Variants in SLC25A29 observed in about 807,000 individuals in gnomAD.
SLC25A29 encodes solute carrier family 25 member 29.
A neutral mutation model predicts 10.0 loss-of-function variants in SLC25A29; 13 were observed. That is an observed-to-expected ratio of 1.30 (90% CI 0.85 to 2.07). The LOEUF is 2.07. Among genes scored for constraint, SLC25A29 ranks in the 30% most tolerant of loss-of-function variants. SLC25A29 has a pLI of 0.00. For missense variants in SLC25A29, 475 were observed against 447.6 expected (o/e 1.06, Z -0.55); for synonymous variants, 244 against 221.1 (o/e 1.10, Z -0.92).
intron 1 of SLC25A29, chr14:100,299,125 G>A (rs912071507): frequency 1.4e-6 from 2 of 1,396,614 alleles, no homozygotes; most frequent in South Asian, 1.5e-5. Flanking sequence ...CTCAGCACTG[G>A]TGTCCCATCT....
intron 2 of SLC25A29, among the ~76,000 whole-genome samples, chr14:100,297,354 A>G (rs890897604): frequency 6.6e-6 from 1 of 152,192 alleles, no homozygotes; most frequent in Non-Finnish European, 1.5e-5. Context: ...GCAGAGCACC[A>G]GAACGAAAGT....
At position 100,292,440 on chromosome 14, in the gene SLC25A29, GC is replaced by G. The variant is rs890629683; in HGVS notation, c.754del (p.Ala252ArgfsTer95). 17 of 1,578,176 alleles carry G rather than the reference GC, an allele frequency of 1.1e-5. No homozygotes were observed. The African/African-American group carries it at 2.2e-4, about 20-fold the overall frequency. On this transcript the variant is annotated frameshift_variant, in exon 4 of 4. Transcript: ENST00000359232. LOFTEE classifies it low-confidence loss of function (END_TRUNC). The stretch of plus-strand genomic sequence containing the variant: ...GGGGAAGGCGCGCAGCAGCGTGGAC[GC>G]CAGCCCCCGTGTGAAGACGCGCCAG... ...EGWRVFTRGLASTLLRAFPVN... is the reference protein window; with the variant it reads ...EGWRVFTRGLXSTLLRAFPVN...
intron 1 of SLC25A29, 100 bp downstream of exon 1, chr14:100,306,098 AC>A: frequency 1.2e-6 from 1 of 856,842 alleles, no homozygotes; most frequent in Non-Finnish European, 1.6e-6. Flanking sequence ...AGACGCGGCG[AC>A]CCCCGCCAGC....
chr14:100,293,152 A>G, intron 3 of SLC25A29, 120 bp from the exon 4 acceptor site: 2 of 1,451,676 alleles, frequency 1.4e-6, no homozygotes, highest in Non-Finnish European at 1.8e-6. Context: ...ACCAAGCAGA[A>G]TTTCGTTAGA....
In SLC25A29 at chr14:100,293,376, A is replaced by G. The variant is rs770340054; in HGVS notation, c.80T>C (p.Val27Ala). 2 of 1,612,518 alleles carry G rather than the reference A, an allele frequency of 1.2e-6. No homozygotes were observed. Among genetic ancestry groups the G allele is most frequent in the Non-Finnish European group, 1.7e-6 (2 of 1,179,722 alleles). The change falls in exon 3 of 4, where the codon GTA (valine) becomes GCA (alanine). Residue 27 changes from valine (V) to alanine (A), a missense_variant and splice_region_variant. Transcript: ENST00000359232. ...LVGHPFDTVK[V>A]RLQVQSVEKP... ...CTCCACGCTCTGGACCTGAAGCCGT[A>G]CCTGGAAGGAGAGGGTCCAGTGAGA...
chr14:100,299,562 G>C (rs921170475), intron 1 of SLC25A29: 20 of 985,714 alleles, frequency 2.0e-5, no homozygotes, highest in Non-Finnish European at 2.4e-5. Flanking sequence ...GGTTCTTCAG[G>C]TCCTGCCAAA....
Position 100,292,581 on chromosome 14 carries a change from A to C in SLC25A29, c.614T>G (p.Leu205Arg). The change falls in exon 4 of 4, where the codon CTC becomes CGC. Residue 205 changes from leucine (L) to arginine (R), a missense_variant. Leu to Arg is a moderately radical substitution (Grantham distance 102). Coordinates refer to ENST00000359232, the MANE Select transcript of SLC25A29 (RefSeq NM_001039355.3). ...GACCACGTCCACAGGATAGGTAGAG[A>C]GCCAGGACACGATGCCTGACGTACC... Reference protein sequence around the residue: ...AGGTSGIVSWLSTYPVDVVKS... With the variant: ...AGGTSGIVSWRSTYPVDVVKS... 6.2e-7 allele frequency: 1 copy of C among 1,603,860 alleles called. No individual in the cohort carries two copies. The highest frequency in any genetic ancestry group is 8.5e-7 in the Non-Finnish European group (1 of 1,176,182).
chr14:100,304,721 G>C (rs570873121), intron 1 of SLC25A29, among the ~76,000 whole-genome samples: 20 of 152,334 alleles, frequency 1.3e-4, no homozygotes, highest in African/African-American at 4.6e-4. Flanking sequence ...GAGGCTGCGC[G>C]AGCGACGTGC....
downstream of SLC25A29, among the ~76,000 whole-genome samples, chr14:100,288,347 A>C (rs1280594756): frequency 2.3e-5 from 3 of 128,530 alleles, no homozygotes; most frequent in Admixed American, 3.0e-4. Flanking sequence ...GTGCCATTGC[A>C]CTCCAGCCTG....
Position 100,292,283 on chromosome 14 carries a change from T to C in SLC25A29, c.912A>G (p.Ter304TrpextTer64), listed in dbSNP as rs1300929343. ...CTGGGGAAGGAGGGCGGGGTGAGCG[T>C]CACAGGCTGGAGGGCTGCGCCAGGG... The part of the protein sequence containing the change: ...GPALAQPSSL[*>W] Residue 304 changes from the stop codon to tryptophan, a stop_lost, in exon 4 of 4, where the codon TGA (stop) becomes TGG (tryptophan). Transcript: ENST00000359232. The C allele has an allele frequency of 1.3e-6, 2 of 1,533,816 alleles. No individual in the cohort carries two copies. Among genetic ancestry groups the C allele is most frequent in the Admixed American group, 2.0e-5 (1 of 50,990 alleles).
At chr14:100,283,559 C>T in the SLC25A29 span, among the ~76,000 whole-genome samples, 1 of 150,434 alleles carries the variant, frequency 6.6e-6, no homozygotes, top group Non-Finnish European at 1.5e-5. Context: ...AATCTCAGCT[C>T]ACTGCAACCT....
downstream of SLC25A29, among the ~76,000 whole-genome samples, chr14:100,286,987 G>A (rs1440617800): frequency 2.0e-5 from 3 of 152,246 alleles, no homozygotes; most frequent in Admixed American, 6.5e-5. Context: ...TGCCAGCACC[G>A]ACCTTGTATG....
chr14:100,298,810 G>A (rs772913921), intron 2 of SLC25A29, 32 bp downstream of exon 2: 9 of 1,613,896 alleles, frequency 5.6e-6, no homozygotes, highest in South Asian at 1.1e-5. Flanking sequence ...CAATGTACGC[G>A]CCGAGGAAAA....
chr14:100,302,365 T>TC (rs1892621181), intron 1 of SLC25A29, among the ~76,000 whole-genome samples: 1 of 149,368 alleles, frequency 6.7e-6, no homozygotes, highest in African/African-American at 2.4e-5. Flanking sequence ...TTTCTTTCTT[T>TC]TTTTTTTTTT....
chr14:100,302,008 T>C (rs1485358575), intron 1 of SLC25A29, among the ~76,000 whole-genome samples: 1 of 151,826 alleles, frequency 6.6e-6, no homozygotes, highest in Non-Finnish European at 1.5e-5. Context: ...TCCTTCAATC[T>C]TGGGGTCTCT....
intron 1 of SLC25A29, among the ~76,000 whole-genome samples, chr14:100,300,551 T>C (rs535472091): frequency 7.2e-5 from 11 of 152,148 alleles, no homozygotes; most frequent in African/African-American, 2.7e-4. Context: ...CCCAGCTAAT[T>C]TTTGTAATTT....
intron 2 of SLC25A29, among the ~76,000 whole-genome samples, chr14:100,296,755 C>T (rs969757561): frequency 2.0e-5 from 3 of 152,116 alleles, no homozygotes; most frequent in Non-Finnish European, 2.9e-5. Flanking sequence ...CCCGCCACCA[C>T]GCCCGGCTAA....
downstream of SLC25A29, among the ~76,000 whole-genome samples, chr14:100,290,690 C>T (rs1399243298): frequency 6.6e-6 from 1 of 152,216 alleles, no homozygotes; most frequent in Non-Finnish European, 1.5e-5. Flanking sequence ...TTCCAGGAAG[C>T]CCTCTCTGAC....
Position 100,306,202 on chromosome 14 carries a change from C to T in SLC25A29, c.31G>A (p.Gly11Arg). ...GCCCGGCCCGCCGCCTCCTTACCCC[C>T]CGCGCATCCAGCCAAGAAGTCCAGC... MALDFLAGCAGGVAGVLVGHP... is the reference protein window; with the variant it reads MALDFLAGCARGVAGVLVGHP... The change falls in exon 1 of 4, where the codon GGG becomes AGG. Residue 11 changes from glycine (G) to arginine (R), a missense_variant. Gly to Arg is a moderately radical substitution (Grantham distance 125, BLOSUM62 -2). Transcript: ENST00000359232. The T allele has an allele frequency of 2.6e-6, 4 of 1,509,864 alleles. No individual in the cohort carries two copies. The highest frequency in any genetic ancestry group is 3.5e-6 in the Non-Finnish European group (4 of 1,136,798). 93.5% of individuals were successfully genotyped at this position (1,509,864 alleles called of 1,614,324 possible). A position where few individuals can be genotyped will look rare whatever the true frequency, so the allele number is the denominator to read the frequency against.
Sources: gnomAD v4.1 joint callset for allele counts (sites outside exome capture counted in the v4.1 genomes callset) on GRCh38, gnomAD v4.1.1 for gene constraint, MANE v1.5 for transcripts, NCBI Gene and HGNC (gene_info 2026-07-23, HGNC 2026-07-21) for gene names.